TAFA2: variants seen among roughly 807,000 people sequenced by gnomAD.
TAFA2 encodes the protein TAFA chemokine like family member 2.
TAFA2 carries 7 observed loss-of-function variants against 18.8 expected under a neutral mutation model. That is an observed-to-expected ratio of 0.37 (90% CI 0.21 to 0.70). The LOEUF is 0.70. TAFA2 is among the 30% of genes least tolerant of loss of function. The pLI is 0.53. For synonymous variants in TAFA2, 60 were observed against 54.2 expected (o/e 1.11, Z -0.47); for missense variants, 122 against 158.1 (o/e 0.77, Z 1.23).
chr12:62,088,912 G>C lies in TAFA2; in HGVS notation c.-2+102347C>G, dbSNP rs186647005. On this transcript the variant is annotated intron_variant, in intron 1 of 4. Transcript: ENST00000416284. ...TCTCTCTCTCTCTCTCTCTATCTCT[G>C]TGTGTGTGTGTGTGTGCACGCGCGC... Among the ~76,000 whole-genome samples, 315 of 149,868 alleles carry C rather than the reference G, an allele frequency of 2.1e-3. 1 individual carries two copies. The highest frequency in any genetic ancestry group is 3.9e-3 in the Non-Finnish European group (264 of 67,172).
chr12:61,987,321 T>G lies in TAFA2; in HGVS notation c.-1-119895A>C, dbSNP rs367755549. On this transcript the variant is annotated intron_variant, in intron 1 of 4. Coordinates refer to ENST00000416284, the MANE Select transcript of TAFA2 (RefSeq NM_178539.5). ...TATCTCTGGTTTCTGTTAGAATGAG[T>G]GCTATGTCCACACATCTCTGCCTGC... 3.3e-5 allele frequency among the ~76,000 whole-genome samples: 5 copies of G among 152,138 alleles called. No homozygotes were observed. The East Asian group carries it at 7.7e-4, about 23-fold the overall frequency.
intron 1 of TAFA2, among the ~76,000 whole-genome samples, chr12:61,993,871 A>G (rs1398914580): frequency 2.0e-5 from 3 of 152,090 alleles, no homozygotes; most frequent in African/African-American, 7.2e-5. Flanking sequence ...TGAAAGATTC[A>G]TGTTCCTTAA....
At chr12:61,792,778 G>GA (rs1207212728) in intron 2 of TAFA2, among the ~76,000 whole-genome samples, 2 of 149,842 alleles carry the variant, frequency 1.3e-5, no homozygotes, top group Non-Finnish European at 3.0e-5. Flanking sequence ...AACTTTAAGA[G>GA]AAAAAAAATA....
intron 4 of TAFA2, among the ~76,000 whole-genome samples, chr12:61,747,861 T>TATA (rs1868805575): frequency 1.3e-5 from 2 of 149,808 alleles, no homozygotes; most frequent in South Asian, 2.1e-4. Context: ...AACTTAAAAG[T>TATA]ATAATAATAA....
intron 1 of TAFA2, among the ~76,000 whole-genome samples, chr12:61,894,519 A>G (rs1472781987): frequency 1.3e-5 from 2 of 152,198 alleles, no homozygotes; most frequent in East Asian, 3.8e-4. Flanking sequence ...ACAAAGACAA[A>G]CAGTAAAGAC....
At chr12:62,250,137 T>C (rs1289762056) in intron 1 of TAFA2, among the ~76,000 whole-genome samples, 3 of 152,234 alleles carry the variant, frequency 2.0e-5, no homozygotes, top group Non-Finnish European at 4.4e-5. Flanking sequence ...CATCAATATG[T>C]TGTAAATTCA....
At chr12:61,810,366 G>A (rs1871815855) in intron 2 of TAFA2, among the ~76,000 whole-genome samples, 1 of 149,324 alleles carries the variant, frequency 6.7e-6, no homozygotes, top group Non-Finnish European at 1.5e-5. Context: ...CATGACTCTT[G>A]TGTTTTTAAG....
At chr12:61,972,577 T>C (rs982633774) in intron 1 of TAFA2, among the ~76,000 whole-genome samples, 3 of 151,628 alleles carry the variant, frequency 2.0e-5, no homozygotes, top group African/African-American at 7.3e-5. Flanking sequence ...ACTGGGTAAC[T>C]TAAGGAGGCT....
intron 1 of TAFA2, among the ~76,000 whole-genome samples, chr12:62,075,292 A>G (rs1882732574): frequency 6.6e-6 from 1 of 152,218 alleles, no homozygotes; most frequent in African/African-American, 2.4e-5. Flanking sequence ...CATACTAACT[A>G]TCCACTAAAA....
upstream of TAFA2, among the ~76,000 whole-genome samples, chr12:62,197,568 C>T (rs542640367): frequency 1.3e-5 from 2 of 152,284 alleles, no homozygotes; most frequent in Admixed American, 6.5e-5. Context: ...CAAATGTTTC[C>T]ATTCCCCCAA....
rs570984869 is a variant in TAFA2 at position 61,753,741 on chromosome 12, T to C, written c.265A>G (p.Ile89Val). The C allele has an allele frequency of 1.2e-5, 19 of 1,610,998 alleles. No individual in the cohort carries two copies. Among genetic ancestry groups the C allele is most frequent in the African/African-American group, 6.7e-5 (5 of 74,880 alleles). Residue 89 changes from isoleucine to valine, a missense_variant, in exon 4 of 5, where the codon ATA becomes GTA. By Grantham distance (29) the Ile-to-Val change is conservative. Around this residue, in one of 2 missense-constraint regions of TAFA2, gnomAD observed 60 missense variants for 102.7 expected, o/e 0.58. Coordinates refer to ENST00000416284, the MANE Select transcript of TAFA2 (RefSeq NM_178539.5). ...RAAPSCVDASIVEQKWWCHMQ... is the reference protein window; with the variant it reads ...RAAPSCVDASVVEQKWWCHMQ... ...TGGCACCACCATTTCTGTTCCACTA[T>C]TGAAGCTATAAGAGAGAAAAAAAAT...
chr12:62,112,083 C>T (rs141080136), intron 1 of TAFA2, among the ~76,000 whole-genome samples: 2,859 of 152,122 alleles, frequency 0.019, 46 homozygotes, highest in African/African-American at 0.044. Flanking sequence ...TTCATAGTGT[C>T]GATGGTCTTT....
At chr12:62,034,468 G>T (rs556692305) in intron 1 of TAFA2, among the ~76,000 whole-genome samples, 6 of 152,074 alleles carry the variant, frequency 3.9e-5, no homozygotes, top group African/African-American at 1.4e-4. Flanking sequence ...ATTCTAATTT[G>T]TTTTGGATAA....
intron 1 of TAFA2, among the ~76,000 whole-genome samples, chr12:62,256,541 T>C (rs1293452690): frequency 6.6e-6 from 1 of 152,180 alleles, no homozygotes; most frequent in Non-Finnish European, 1.5e-5. Flanking sequence ...AATCACTTTA[T>C]TTTATAATAA....
At chr12:61,746,320 C>T (rs959950992) in intron 4 of TAFA2, among the ~76,000 whole-genome samples, 2 of 152,056 alleles carry the variant, frequency 1.3e-5, no homozygotes, top group African/African-American at 4.8e-5. Context: ...CTGAGGCCTC[C>T]CCAGCAATGT....
chr12:61,885,245 T>C (rs182551465), intron 1 of TAFA2, among the ~76,000 whole-genome samples: 41 of 152,332 alleles, frequency 2.7e-4, no homozygotes, highest in Non-Finnish European at 5.3e-4. Context: ...CCTTCTAGCA[T>C]ATCATCCTAC....
rs534155460 is a variant in TAFA2, at chr12:61,860,353, C to A, written c.106+6967G>T. ...GTCAGTTTATGTTCTAGCTATTTTT[C>A]TTTCTCTTAGGACATTAATCCAATT... On this transcript the variant is annotated intron_variant, in intron 2 of 4. Coordinates refer to ENST00000416284, the MANE Select transcript of TAFA2 (RefSeq NM_178539.5). Among the ~76,000 whole-genome samples the A allele has an allele frequency of 3.9e-5, 6 of 152,224 alleles. No homozygotes were observed. In the East Asian group the frequency reaches 9.6e-4, roughly 24 times the overall value.
chr12:62,153,654 G>A (rs2062345581), intron 1 of TAFA2, among the ~76,000 whole-genome samples: 1 of 151,470 alleles, frequency 6.6e-6, no homozygotes, highest in Non-Finnish European at 1.5e-5. Context: ...GGGTGACAGA[G>A]TAAGACCTTG....
rs903642878 is a variant in TAFA2 at position 62,113,362 on chromosome 12, A to G, written c.-2+77897T>C. Among the ~76,000 whole-genome samples the G allele has an allele frequency of 4.6e-5, 7 of 152,280 alleles. No homozygotes were observed. The South Asian group carries it at 1.2e-3, about 27-fold the overall frequency. Reference sequence around the variant, plus strand: ...GCCTGTTCCTTCCTCTGGAAGCTTCATCCCAGAGAGCCACCCACCAGATGC... The same window carrying G: ...GCCTGTTCCTTCCTCTGGAAGCTTCGTCCCAGAGAGCCACCCACCAGATGC... On this transcript the variant is annotated intron_variant, in intron 1 of 4. Coordinates refer to ENST00000416284, the MANE Select transcript of TAFA2 (RefSeq NM_178539.5).
Sources: gnomAD v4.1 joint callset for allele counts (sites outside exome capture counted in the v4.1 genomes callset) on GRCh38, gnomAD v4.1.1 for gene constraint, gnomAD v4.1.1 regional missense constraint, MANE v1.5 for transcripts, NCBI Gene and HGNC (gene_info 2026-07-23, HGNC 2026-07-21) for gene names.